RAPGEF2: variants seen among roughly 807,000 people sequenced by gnomAD.
RAPGEF2 encodes PDZ domain containing guanine nucleotide exchange factor (GEF) 1.
Under a neutral mutation model 186.7 loss-of-function variants are expected in RAPGEF2, and 54 were observed. The observed-to-expected ratio is 0.29, with a 90% CI of 0.23 to 0.36. RAPGEF2 has a LOEUF of 0.36. RAPGEF2 is among the 10% of genes least tolerant of loss of function. The pLI, the probability that RAPGEF2 is intolerant of heterozygous loss-of-function variation, is 1.00. For missense variants in RAPGEF2, 1,532 were observed against 2,045.0 expected (o/e 0.75, Z 4.84); for synonymous variants, 712 against 705.9 (o/e 1.01, Z -0.14).
chr4:159,216,983 C>T (rs1177095828), intron 4 of RAPGEF2, among the ~76,000 whole-genome samples: 3 of 151,936 alleles, frequency 2.0e-5, no homozygotes, highest in Non-Finnish European at 4.4e-5. Context: ...CAATGAGCTA[C>T]TTGAGTTTAA....
intron 7 of RAPGEF2, among the ~76,000 whole-genome samples, chr4:159,261,222 G>A (rs1425584860): frequency 2.0e-5 from 3 of 151,894 alleles, no homozygotes; most frequent in African/African-American, 4.8e-5. Context: ...CACCAAGACT[G>A]GCTAATTTTT....
chr4:159,333,460 C>CCT (rs1481208159), intron 17 of RAPGEF2, among the ~76,000 whole-genome samples: 1 of 151,918 alleles, frequency 6.6e-6, no homozygotes, highest in African/African-American at 2.4e-5. Context: ...TCTGTTTTCC[C>CCT]CTCTCTCTTC....
intron 1 of RAPGEF2, among the ~76,000 whole-genome samples, chr4:159,143,050 A>T (rs1055864492): frequency 6.6e-6 from 1 of 152,210 alleles, no homozygotes; most frequent in Non-Finnish European, 1.5e-5. Flanking sequence ...AACATTAATA[A>T]ACTTCCTTGA....
At position 159,104,216 on chromosome 4, in the gene RAPGEF2, C is replaced by A; in HGVS notation, c.54C>A (p.Pro18=). 1 of 1,326,426 alleles carries A rather than the reference C, an allele frequency of 7.5e-7. No individual in the cohort carries two copies. 82.2% of individuals were successfully genotyped at this position (1,326,426 alleles called of 1,614,324 possible). Reference sequence around the variant, plus strand: ...GCCAGGCGGTGATGAAGAATCCCCCCGAAAGGACCCCCCAGGTGAGAACGC... The same window carrying A: ...GCCAGGCGGTGATGAAGAATCCCCCAGAAAGGACCCCCCAGGTGAGAACGC... The part of the protein sequence containing the change: ...SFRQAVMKNP[P]ERTPQDLEIV... Residue 18 remains proline, a synonymous_variant, in exon 1 of 30, where the codon CCC becomes CCA. Coordinates refer to ENST00000691494, the MANE Select transcript of RAPGEF2 (RefSeq NM_001394067.2).
intron 7 of RAPGEF2, among the ~76,000 whole-genome samples, chr4:159,291,872 T>A (rs1002518308): frequency 3.3e-5 from 5 of 152,170 alleles, no homozygotes; most frequent in Non-Finnish European, 7.4e-5. Context: ...AATGTTTTAT[T>A]TTTCTTATCT....
At chr4:159,106,476 G>T (rs953982688) in intron 1 of RAPGEF2, among the ~76,000 whole-genome samples, 1 of 152,126 alleles carries the variant, frequency 6.6e-6, no homozygotes, top group Non-Finnish European at 1.5e-5. Flanking sequence ...ATGGAACGCT[G>T]GAAGATTTTC....
chr4:159,104,527 G>GAGAGAGAGAGAGAGAGAGAGAGAGAGAGA (rs1560964822), intron 1 of RAPGEF2, among the ~76,000 whole-genome samples: 1 of 88,444 alleles, frequency 1.1e-5, no homozygotes. Context: ...AGAGAGAGAG[G>GAGAGAGAGAGAGAGAGAGAGAGAGAGAGA]GAGAGACAGA....
chr4:159,352,970 A>C, intron 27 of RAPGEF2, 60 bp downstream of exon 27: 1 of 1,386,016 alleles, frequency 7.2e-7, no homozygotes, highest in South Asian at 1.4e-5. Context: ...TTTAATAATG[A>C]GTCTTTTCTT....
intron 9 of RAPGEF2, among the ~76,000 whole-genome samples, chr4:159,315,219 A>G (rs773780204): frequency 6.6e-6 from 1 of 152,078 alleles, no homozygotes; most frequent in African/African-American, 2.4e-5. Context: ...GGAAGGAGAC[A>G]GCAAAATGTC....
At chr4:159,282,846 T>C (rs542618773) in intron 7 of RAPGEF2, among the ~76,000 whole-genome samples, 43 of 152,290 alleles carry the variant, frequency 2.8e-4, no homozygotes, top group African/African-American at 9.9e-4. Context: ...AAAATAGTCA[T>C]TATGGGGCTC....
chr4:159,267,912 G>C (rs1177451086), intron 7 of RAPGEF2: 2 of 1,252,536 alleles, frequency 1.6e-6, no homozygotes, highest in East Asian at 6.9e-5. Flanking sequence ...CATAGCCTAG[G>C]ATGGTTAGAG....
At position 159,251,903 on chromosome 4, in the gene RAPGEF2, G is replaced by A. The variant is rs117747506; in HGVS notation, c.543+8112G>A. The stretch of plus-strand genomic sequence containing the variant: ...CACAGCGTGGAGTAAATTTTGCTGC[G>A]GCTCACGCTTTGGGTCTGCCACGTC... On this transcript the variant is annotated intron_variant, in intron 7 of 29. Coordinates refer to ENST00000691494, the MANE Select transcript of RAPGEF2 (RefSeq NM_001394067.2). Among the ~76,000 whole-genome samples, 4 of 151,828 alleles carry A rather than the reference G, an allele frequency of 2.6e-5. No homozygotes were observed. In the East Asian group the frequency reaches 5.8e-4, roughly 22 times the overall value.
intron 1 of RAPGEF2, among the ~76,000 whole-genome samples, chr4:159,137,078 T>C (rs1741798056): frequency 6.6e-6 from 1 of 152,206 alleles, no homozygotes; most frequent in African/African-American, 2.4e-5. Flanking sequence ...TTTGGCTCTG[T>C]TCAGTGGGCC....
chr4:159,167,750 G>T (rs1345212724), intron 1 of RAPGEF2, among the ~76,000 whole-genome samples: 1 of 152,206 alleles, frequency 6.6e-6, no homozygotes, highest in African/African-American at 2.4e-5. Flanking sequence ...AAGAAAAAAG[G>T]ATTTGCTTTA....
chr4:159,138,599 A>T (rs1372259349), intron 1 of RAPGEF2, among the ~76,000 whole-genome samples: 1 of 152,180 alleles, frequency 6.6e-6, no homozygotes, highest in African/African-American at 2.4e-5. Context: ...TGGTAGGTTA[A>T]TTGACTCATT....
At chr4:159,252,711 A>G (rs1337759606) in intron 7 of RAPGEF2, among the ~76,000 whole-genome samples, 1 of 152,222 alleles carries the variant, frequency 6.6e-6, no homozygotes, top group Non-Finnish European at 1.5e-5. Context: ...ATCTAAGGAC[A>G]GTTGATAACT....
At chr4:159,124,585 A>G (rs1021302044) in intron 1 of RAPGEF2, among the ~76,000 whole-genome samples, 2 of 152,180 alleles carry the variant, frequency 1.3e-5, no homozygotes, top group African/African-American at 4.8e-5. Context: ...CAAGCCTGTA[A>G]TCTTTTTGCT....
intron 1 of RAPGEF2, among the ~76,000 whole-genome samples, chr4:159,144,209 C>T (rs1205208844): frequency 6.6e-6 from 1 of 151,850 alleles, no homozygotes; most frequent in African/African-American, 2.4e-5. Flanking sequence ...TAAAGTTCAT[C>T]CGAATACTGT....
At chr4:159,147,383 TG>T (rs201026436) in intron 1 of RAPGEF2, among the ~76,000 whole-genome samples, 33 of 151,330 alleles carry the variant, frequency 2.2e-4, no homozygotes, top group Middle Eastern at 3.4e-3. Flanking sequence ...TTTTTTTTTT[TG>T]GTTTATTAAA....
Sources: gnomAD v4.1 joint callset for allele counts (sites outside exome capture counted in the v4.1 genomes callset) on GRCh38, gnomAD v4.1.1 for gene constraint, MANE v1.5 for transcripts, NCBI Gene and HGNC (gene_info 2026-07-23, HGNC 2026-07-21) for gene names.